Variants in PKD2L2 observed in about 807,000 individuals in gnomAD.
PKD2L2 encodes the protein polycystin 2 like 2, transient receptor potential cation channel.
A neutral mutation model predicts 83.9 loss-of-function variants in PKD2L2; 67 were observed. That is an observed-to-expected ratio of 0.80 (90% CI 0.66 to 0.98). The LOEUF (loss-of-function observed/expected upper bound fraction) is 0.98. Among genes scored for constraint, PKD2L2 ranks in the 50% least tolerant of loss-of-function variants. PKD2L2 has a pLI of 0.00. For missense variants in PKD2L2, 632 were observed against 717.2 expected (o/e 0.88, Z 1.36); for synonymous variants, 223 against 237.8 (o/e 0.94, Z 0.57).
At chr5:137,889,847 G>T (rs533321028) in intron 1 of PKD2L2, 66 of 339,698 alleles carry the variant, frequency 1.9e-4, no homozygotes, top group African/African-American at 1.2e-3. Context: ...TCAAGCCGAG[G>T]TGTTTTTCCC....
Position 137,923,541 on chromosome 5 carries a change from T to TA in PKD2L2, c.1551+22dup. 1 of 1,052,842 alleles carries TA rather than the reference T, an allele frequency of 9.5e-7. No individual in the cohort carries two copies. Among genetic ancestry groups the TA allele is most frequent in the South Asian group, 1.3e-5 (1 of 78,892 alleles). 65.2% of individuals were successfully genotyped at this position (1,052,842 alleles called of 1,614,324 possible). A position where few individuals can be genotyped will look rare whatever the true frequency, so the allele number is the denominator to read the frequency against. On this transcript the variant is annotated intron_variant, in intron 10 of 14. Transcript: ENST00000508883. ...AAACAGGTAAGTCAAATTTCTTTCC[T>TA]AATTAGAATTCTAAGACAAACCTCA...
intron 9 of PKD2L2, 73 bp from the exon 10 acceptor site, chr5:137,923,347 C>A: frequency 1.3e-6 from 1 of 787,240 alleles, no homozygotes; most frequent in Non-Finnish European, 2.1e-6. Context: ...TTTTACAAAC[C>A]CAAAACTTGT....
chr5:137,911,986 C>T (rs1757879258), intron 8 of PKD2L2, among the ~76,000 whole-genome samples: 1 of 152,162 alleles, frequency 6.6e-6, no homozygotes, highest in African/African-American at 2.4e-5. Context: ...GACAGTATTT[C>T]CTCCTTTTCA....
intron 5 of PKD2L2, among the ~76,000 whole-genome samples, chr5:137,902,381 C>T (rs1757034366): frequency 2.0e-5 from 3 of 152,190 alleles, no homozygotes; most frequent in Admixed American, 1.3e-4. Flanking sequence ...TCTACCTCCT[C>T]CACCTCTTCC....
chr5:137,940,076 T>C (rs1761188004), intron 14 of PKD2L2: 1 of 1,614,164 alleles, frequency 6.2e-7, no homozygotes. Flanking sequence ...TCTCCCATCA[T>C]TTGTTTTGTT....
chr5:137,937,368 GGCGT>G (rs1156455590), intron 14 of PKD2L2, among the ~76,000 whole-genome samples: 3 of 152,226 alleles, frequency 2.0e-5, no homozygotes, highest in Non-Finnish European at 4.4e-5. Flanking sequence ...GAGCAGGGTA[GGCGT>G]ATCACTGTCA....
At chr5:137,914,764 C>T (rs1758170140) in intron 8 of PKD2L2, among the ~76,000 whole-genome samples, 1 of 152,110 alleles carries the variant, frequency 6.6e-6, no homozygotes, top group Non-Finnish European at 1.5e-5. Flanking sequence ...AGCTGTGGGT[C>T]TCAGATATAA....
chr5:137,936,495 GC>G, intron 14 of PKD2L2, 68 bp downstream of exon 14: 1 of 1,353,644 alleles, frequency 7.4e-7, no homozygotes, highest in Non-Finnish European at 1.0e-6. Flanking sequence ...TCGCTCTAAC[GC>G]CCAGGCTGGA....
In PKD2L2 at chr5:137,921,626, T is replaced by C; in HGVS notation, c.1329-10T>C. On this transcript the variant is annotated splice_polypyrimidine_tract_variant and intron_variant, in intron 8 of 14. Coordinates refer to ENST00000508883, the MANE Select transcript of PKD2L2 (RefSeq NM_001300921.2). ...AGGTATATATTTTCTACTGTTTTTC[T>C]TTCTTAAAGATTTGCACAATTTCGA... 1 of 1,556,162 alleles carries C rather than the reference T, an allele frequency of 6.4e-7. No individual in the cohort carries two copies. Among genetic ancestry groups the C allele is most frequent in the South Asian group, 1.2e-5 (1 of 86,818 alleles).
At chr5:137,916,812 TCATTG>T (rs1758400890) in intron 8 of PKD2L2, among the ~76,000 whole-genome samples, 1 of 152,044 alleles carries the variant, frequency 6.6e-6, no homozygotes, top group Admixed American at 6.6e-5. Context: ...TTTGAATATA[TCATTG>T]CACTGCCTTG....
chr5:137,913,924 A>G (rs1354157076), intron 8 of PKD2L2, among the ~76,000 whole-genome samples: 1 of 145,000 alleles, frequency 6.9e-6, no homozygotes, highest in Non-Finnish European at 1.5e-5. Flanking sequence ...CTGGAGTGCA[A>G]TGGTGTGATC....
At chr5:137,926,695 C>A (rs571872259) in intron 12 of PKD2L2, among the ~76,000 whole-genome samples, 1 of 152,204 alleles carries the variant, frequency 6.6e-6, no homozygotes, top group Non-Finnish European at 1.5e-5. Context: ...CCAACTGGGG[C>A]TCCTTCGAGG....
At chr5:137,920,651 G>A (rs1337091924) in intron 8 of PKD2L2, among the ~76,000 whole-genome samples, 2 of 152,008 alleles carry the variant, frequency 1.3e-5, no homozygotes, top group Non-Finnish European at 2.9e-5. Context: ...CAGCTACTCA[G>A]GAGGCTGAGG....
rs556620847 is a variant in PKD2L2, at chr5:137,895,061, G to A, written c.524+452G>A. Among the ~76,000 whole-genome samples, 14 of 152,152 alleles carry A rather than the reference G, an allele frequency of 9.2e-5. No homozygotes were observed. The East Asian group carries it at 2.7e-3, about 29-fold the overall frequency. On this transcript the variant is annotated intron_variant, in intron 4 of 14. Transcript: ENST00000508883. ...TCTGTTGCTGCCCCTACTAAAATGG[G>A]GCAGTTATGCTCTACAGGGACTGCA...
At chr5:137,917,762 G>A (rs1758512007) in intron 8 of PKD2L2, among the ~76,000 whole-genome samples, 1 of 152,160 alleles carries the variant, frequency 6.6e-6, no homozygotes, top group Admixed American at 6.6e-5. Context: ...TTCTCAGAGA[G>A]CGTATCTACT....
intron 8 of PKD2L2, among the ~76,000 whole-genome samples, chr5:137,909,460 T>C (rs991771193): frequency 3.9e-5 from 6 of 152,060 alleles, no homozygotes; most frequent in Admixed American, 3.9e-4. Context: ...TCATTTTTCA[T>C]TGGAAGTGAT....
chr5:137,923,141 G>A (rs896735286), intron 9 of PKD2L2, among the ~76,000 whole-genome samples: 1 of 151,262 alleles, frequency 6.6e-6, no homozygotes, highest in African/African-American at 2.4e-5. Context: ...TCCACCTCCC[G>A]AGTAGCTGGG....
At chr5:137,893,830 C>G (rs1172977569) in intron 3 of PKD2L2, among the ~76,000 whole-genome samples, 1 of 152,124 alleles carries the variant, frequency 6.6e-6, no homozygotes, top group African/African-American at 2.4e-5. Context: ...AGGTGGAGGT[C>G]ACCTTGCCAC....
At chr5:137,896,773 C>T (rs1269102572) in intron 4 of PKD2L2, among the ~76,000 whole-genome samples, 1 of 152,020 alleles carries the variant, frequency 6.6e-6, no homozygotes, top group Non-Finnish European at 1.5e-5. Flanking sequence ...TACCCCTCTA[C>T]ACACACTCTT....
Sources: gnomAD v4.1 joint callset for allele counts (sites outside exome capture counted in the v4.1 genomes callset) on GRCh38, gnomAD v4.1.1 for gene constraint, MANE v1.5 for transcripts, NCBI Gene and HGNC (gene_info 2026-07-23, HGNC 2026-07-21) for gene names.